Variants in LINGO2 observed in about 807,000 individuals in gnomAD.
LINGO2 encodes leucine-rich repeat and immunoglobulin-like domain-containing nogo receptor-interacting protein 2.
In LINGO2, 14 loss-of-function variants were observed where a neutral mutation model predicts 30.6. The ratio of observed to expected loss-of-function variants is 0.46; its 90% CI spans 0.30 to 0.72. The LOEUF is 0.72. Among genes scored for constraint, LINGO2 ranks in the 30% least tolerant of loss-of-function variants. The pLI is 0.07. For synonymous variants in LINGO2, 317 were observed against 288.5 expected, an observed-to-expected ratio of 1.10 and a Z score of -1.00; for missense variants, 729 against 751.7, an observed-to-expected ratio of 0.97 and a Z score of 0.35.
At chr9:28,000,454 A>T (rs1821891930) in intron 5 of LINGO2, among the ~76,000 whole-genome samples, 1 of 152,180 alleles carries the variant, frequency 6.6e-6, no homozygotes, top group South Asian at 2.1e-4. Context: ...TATAAATTTC[A>T]AAAGCCTGAG....
chr9:28,904,557 T>C, the LINGO2 span, among the ~76,000 whole-genome samples: 1 of 151,794 alleles, frequency 6.6e-6, no homozygotes, highest in Admixed American at 6.6e-5. Flanking sequence ...TTTTATACAC[T>C]AACAATGAAC....
intron 5 of LINGO2, among the ~76,000 whole-genome samples, chr9:27,985,328 C>T (rs1220283680): frequency 6.6e-6 from 1 of 151,890 alleles, no homozygotes; most frequent in African/African-American, 2.4e-5. Flanking sequence ...AACAGCTCCA[C>T]AACAAGGCAT....
intron 1 of LINGO2, among the ~76,000 whole-genome samples, chr9:28,497,277 C>A (rs2135296672): frequency 6.6e-6 from 1 of 152,242 alleles, no homozygotes; most frequent in African/African-American, 2.4e-5. Flanking sequence ...TCCATTCTCC[C>A]CACTACTTTC....
chr9:29,180,357 T>C, the LINGO2 span, among the ~76,000 whole-genome samples: 1 of 152,242 alleles, frequency 6.6e-6, no homozygotes, highest in African/African-American at 2.4e-5. Flanking sequence ...TTTCCCACGT[T>C]ATACATGCGA....
intron 4 of LINGO2, among the ~76,000 whole-genome samples, chr9:28,096,054 T>A (rs189655909): frequency 8.0e-4 from 122 of 152,224 alleles, no homozygotes; most frequent in African/African-American, 2.8e-3. Context: ...GGTGGGAGGA[T>A]CACTTGAGCC....
intron 4 of LINGO2, among the ~76,000 whole-genome samples, chr9:28,039,083 G>A (rs1376782574): frequency 6.6e-6 from 1 of 152,144 alleles, no homozygotes; most frequent in Non-Finnish European, 1.5e-5. Context: ...GCAAAGCCAA[G>A]GACCCTTTTA....
chr9:28,368,469 G>T (rs903621478), intron 3 of LINGO2, among the ~76,000 whole-genome samples: 3 of 152,050 alleles, frequency 2.0e-5, no homozygotes, highest in African/African-American at 7.2e-5. Context: ...AGCGAAGTTA[G>T]AGAGATGTAT....
At chr9:28,108,185 G>A (rs1334074200) in intron 4 of LINGO2, among the ~76,000 whole-genome samples, 2 of 152,102 alleles carry the variant, frequency 1.3e-5, no homozygotes, top group Non-Finnish European at 2.9e-5. Flanking sequence ...AATACCCAGT[G>A]ACTCAATACC....
chr9:28,972,709 T>C, the LINGO2 span, among the ~76,000 whole-genome samples: 18 of 152,206 alleles, frequency 1.2e-4, no homozygotes, highest in African/African-American at 4.3e-4. Context: ...TGACCCACAG[T>C]TCCACATAGC....
At chr9:28,003,334 TATAGATATATAGATAGATAGATAG>T (rs1243743082) in intron 5 of LINGO2, among the ~76,000 whole-genome samples, 25 of 135,238 alleles carry the variant, frequency 1.8e-4, no homozygotes, top group African/African-American at 6.6e-4. Context: ...CATATAGATA[TATAGATATATAGATAGATAGATAG>T]ATAGATAGAT....
the LINGO2 span, among the ~76,000 whole-genome samples, chr9:28,974,097 A>T: frequency 0.033 from 4,969 of 152,294 alleles, 109 homozygotes; most frequent in Middle Eastern, 0.054. Context: ...ACTTTTCAAG[A>T]TATAGGCAGT....
chr9:28,050,663 G>A (rs1033958110), intron 4 of LINGO2, among the ~76,000 whole-genome samples: 4 of 151,028 alleles, frequency 2.6e-5, no homozygotes, highest in Admixed American at 1.3e-4. Flanking sequence ...ACTGTTAAAT[G>A]TCTTAGGTGT....
At chr9:28,987,841 T>C in the LINGO2 span, among the ~76,000 whole-genome samples, 1 of 152,204 alleles carries the variant, frequency 6.6e-6, no homozygotes, top group African/African-American at 2.4e-5. Flanking sequence ...TTATGGATTT[T>C]CTCAAATTCA....
At position 27,974,427 on chromosome 9, in the gene LINGO2, C is replaced by CA. The variant is rs150539785; in HGVS notation, c.-35-23722_-35-23721insT. Among the ~76,000 whole-genome samples the CA allele has an allele frequency of 7.8e-3, 1,191 of 152,128 alleles. 90 individuals carry two copies. In the East Asian group the frequency reaches 0.17, roughly 22 times the overall value. On this transcript the variant is annotated intron_variant, in intron 5 of 5. Coordinates refer to ENST00000379992, the Ensembl canonical transcript of LINGO2. ...ACAGTGTTGGTGTAGTTTTGAAGGA[C>CA]GGTAGCAATGTCTGAAAAACACAGC...
the LINGO2 span, among the ~76,000 whole-genome samples, chr9:29,035,177 C>T: frequency 6.6e-6 from 1 of 151,598 alleles, no homozygotes; most frequent in Non-Finnish European, 1.5e-5. Flanking sequence ...ATTATAAAAC[C>T]ATCATGTTAG....
chr9:28,667,481 C>T lies in LINGO2; in HGVS notation c.-365+2719G>A, dbSNP rs528132231. 2.5e-4 allele frequency among the ~76,000 whole-genome samples: 38 copies of T among 152,248 alleles called. No individual in the cohort carries two copies. The South Asian group carries it at 7.1e-3, about 28-fold the overall frequency. ...AATTCCCACTGGGCACGGTGGCTCACGCTTGTAATCCCAGCATTTTGGGAT... is the reference window on the plus strand; with the variant it reads ...AATTCCCACTGGGCACGGTGGCTCATGCTTGTAATCCCAGCATTTTGGGAT... On this transcript the variant is annotated intron_variant, in intron 1 of 5. Coordinates refer to ENST00000379992, the Ensembl canonical transcript of LINGO2.
intron 3 of LINGO2, among the ~76,000 whole-genome samples, chr9:28,336,487 G>A (rs1289778631): frequency 6.6e-6 from 1 of 152,018 alleles, no homozygotes; most frequent in Non-Finnish European, 1.5e-5. Flanking sequence ...ACCTTTACCT[G>A]ACACTAGGTC....
At chr9:28,727,349 G>GA in the LINGO2 span, among the ~76,000 whole-genome samples, 1 of 151,632 alleles carries the variant, frequency 6.6e-6, no homozygotes. Context: ...GCAGTGGTGC[G>GA]ATCTCAGCTC....
the LINGO2 span, chr9:27,940,379 G>A: frequency 6.6e-6 from 1 of 152,074 alleles, no homozygotes; most frequent in Non-Finnish European, 1.5e-5. Flanking sequence ...TATAAGAGTT[G>A]ATGAAAGGCA....
Sources: allele counts gnomAD v4.1 joint callset (sites outside exome capture counted in the v4.1 genomes callset), GRCh38; gene constraint gnomAD v4.1.1; transcripts MANE v1.5; gene names NCBI Gene and HGNC (gene_info 2026-07-23, HGNC 2026-07-21).